Variants in EBF2 observed in about 807,000 individuals in gnomAD.
EBF2 encodes the protein transcription factor COE2.
EBF2 carries 21 observed loss-of-function variants against 72.8 expected under a neutral mutation model. The observed-to-expected ratio is 0.29, with a 90% CI of 0.20 to 0.42. The LOEUF (loss-of-function observed/expected upper bound fraction) is 0.42, where lower values mean the gene tolerates loss of function less well. EBF2 is among the 10% of genes least tolerant of loss of function. EBF2 has a pLI of 1.00. For synonymous variants in EBF2, 299 were observed against 274.2 expected (o/e 1.09, Z -0.89); for missense variants, 637 against 731.2 (o/e 0.87, Z 1.49).
At chr8:25,887,783 C>T in intron 9 of EBF2, 59 bp downstream of exon 9, 1 of 1,461,060 alleles carries the variant, frequency 6.8e-7, no homozygotes, top group Non-Finnish European at 9.1e-7. Flanking sequence ...GCTAGTTTCC[C>T]AGATCAAAAC....
At chr8:25,897,889 T>C (rs1385272193) in intron 7 of EBF2, among the ~76,000 whole-genome samples, 1 of 152,208 alleles carries the variant, frequency 6.6e-6, no homozygotes, top group African/African-American at 2.4e-5. Context: ...GCAATGGGAT[T>C]GCTGGGTCAA....
intron 6 of EBF2, among the ~76,000 whole-genome samples, chr8:25,933,793 T>C (rs1803525879): frequency 6.6e-6 from 1 of 152,012 alleles, no homozygotes; most frequent in African/African-American, 2.4e-5. Flanking sequence ...TATAAAAAAA[T>C]ACGAAACAGT....
chr8:26,002,508 C>A (rs975596780), intron 6 of EBF2, among the ~76,000 whole-genome samples: 2 of 152,134 alleles, frequency 1.3e-5, no homozygotes, highest in Admixed American at 1.3e-4. Flanking sequence ...GGCAAGGGCC[C>A]GGGGCTGAGC....
At chr8:25,915,684 G>A (rs989089781) in intron 6 of EBF2, among the ~76,000 whole-genome samples, 10 of 151,742 alleles carry the variant, frequency 6.6e-5, no homozygotes, top group African/African-American at 2.2e-4. Flanking sequence ...ACGATGGGAG[G>A]GAAAAAGCTG....
chr8:26,034,299 T>C (rs1485742), intron 5 of EBF2, among the ~76,000 whole-genome samples: 147,403 of 152,292 alleles, frequency 0.97, 71,343 homozygotes, highest in East Asian at 1. Context: ...CAATAATTTT[T>C]ACCAAGTCTG....
intron 6 of EBF2, among the ~76,000 whole-genome samples, chr8:25,956,197 T>A (rs1803943469): frequency 6.6e-6 from 1 of 152,062 alleles, no homozygotes; most frequent in Non-Finnish European, 1.5e-5. Flanking sequence ...GGCGGGCAGA[T>A]CACCTGAGGT....
chr8:25,995,554 C>T (rs1804611470), intron 6 of EBF2, among the ~76,000 whole-genome samples: 1 of 152,078 alleles, frequency 6.6e-6, no homozygotes, highest in African/African-American at 2.4e-5. Flanking sequence ...TAAAAGAACA[C>T]TCAGATGTTC....
intron 7 of EBF2, among the ~76,000 whole-genome samples, chr8:25,902,405 G>A (rs1047718270): frequency 6.6e-6 from 1 of 152,076 alleles, no homozygotes; most frequent in Non-Finnish European, 1.5e-5. Flanking sequence ...CCGCATGCAT[G>A]ACCCATGGAT....
intron 10 of EBF2, among the ~76,000 whole-genome samples, chr8:25,882,242 T>C (rs1802615698): frequency 6.6e-6 from 1 of 152,032 alleles, no homozygotes; most frequent in African/African-American, 2.4e-5. Context: ...CCCCTAGAGG[T>C]CTGAACAGTG....
At chr8:25,972,870 C>CTTTTT (rs35053241) in intron 6 of EBF2, among the ~76,000 whole-genome samples, 1 of 124,742 alleles carries the variant, frequency 8.0e-6, no homozygotes, top group Non-Finnish European at 1.7e-5. Context: ...TGCAGTTTGG[C>CTTTTT]TTTTTTTTTT....
chr8:26,007,037 CAAAGGA>C (rs1404030114), intron 6 of EBF2, among the ~76,000 whole-genome samples: 2 of 152,188 alleles, frequency 1.3e-5, no homozygotes, highest in African/African-American at 4.8e-5. Flanking sequence ...GCCACAGAAG[CAAAGGA>C]ATTGATGGAG....
At chr8:25,975,562 T>A (rs1413646914) in intron 6 of EBF2, among the ~76,000 whole-genome samples, 3 of 152,220 alleles carry the variant, frequency 2.0e-5, no homozygotes, top group Non-Finnish European at 4.4e-5. Context: ...CTTTATTAAA[T>A]GAAATATTTG....
At position 26,015,358 on chromosome 8, in the gene EBF2, T is replaced by A. The variant is rs913685042; in HGVS notation, c.551+17727A>T. Among the ~76,000 whole-genome samples the A allele has an allele frequency of 5.3e-5, 8 of 152,186 alleles. 1 individual carries two copies. Among genetic ancestry groups the A allele is most frequent in the Admixed American group, 2.0e-4 (3 of 15,276 alleles). On this transcript the variant is annotated intron_variant, in intron 6 of 15. Coordinates refer to ENST00000520164, the MANE Select transcript of EBF2 (RefSeq NM_022659.4). The stretch of plus-strand genomic sequence containing the variant: ...AGAATCAAGAATGCATAAATCCTCC[T>A]CTTCCCTGCCACAAGGGCATGCCCT...
At chr8:25,944,388 G>A (rs894947572) in intron 6 of EBF2, among the ~76,000 whole-genome samples, 12 of 152,050 alleles carry the variant, frequency 7.9e-5, no homozygotes, top group African/African-American at 2.7e-4. Flanking sequence ...TCCCTTGGGG[G>A]CCTCAGTCTT....
chr8:25,967,981 A>G (rs1804139700), intron 6 of EBF2, among the ~76,000 whole-genome samples: 1 of 152,236 alleles, frequency 6.6e-6, no homozygotes. Context: ...TATGTACTCA[A>G]GAGTTTGTAG....
chr8:25,944,667 A>T (rs949459275), intron 6 of EBF2, among the ~76,000 whole-genome samples: 4 of 147,990 alleles, frequency 2.7e-5, no homozygotes, highest in African/African-American at 9.8e-5. Context: ...ATATAATTAC[A>T]TATTGTATAT....
chr8:26,044,959 T>C lies in EBF2; in HGVS notation c.-100A>G. On this transcript the variant is annotated 5_prime_UTR_variant, in exon 1 of 16. Coordinates refer to ENST00000520164, the MANE Select transcript of EBF2 (RefSeq NM_022659.4). The surrounding 1 kb of genome is among the most constrained non-coding windows in gnomAD (Gnocchi z 4.1). ...CAGCAAATCGTCTCCTCCAAAGCAA[T>C]CCAAGAAAAGGGATCAAGTGCCCAA... 7.6e-7 allele frequency: 1 copy of C among 1,318,862 alleles called. No individual in the cohort carries two copies. The highest frequency in any genetic ancestry group is 1.7e-5 in the South Asian group (1 of 58,638). The allele number at this position is 1,318,862 out of a possible 1,614,324, so 81.7% of individuals were successfully genotyped here.
chr8:25,936,374 C>T (rs1269496327), intron 6 of EBF2, among the ~76,000 whole-genome samples: 5 of 152,160 alleles, frequency 3.3e-5, no homozygotes, highest in Non-Finnish European at 7.3e-5. Context: ...AAAGCAGGCA[C>T]CACTTTTTAT....
At chr8:25,931,113 C>G (rs1803472848) in intron 6 of EBF2, among the ~76,000 whole-genome samples, 1 of 152,100 alleles carries the variant, frequency 6.6e-6, no homozygotes, top group South Asian at 2.1e-4. Context: ...GCCATAGAAA[C>G]TTGGATGTTT....
Sources: allele counts gnomAD v4.1 joint callset (sites outside exome capture counted in the v4.1 genomes callset), GRCh38; gene constraint gnomAD v4.1.1; non-coding constraint Gnocchi (gnomAD v3.1); transcripts MANE v1.5; gene names NCBI Gene and HGNC (gene_info 2026-07-23, HGNC 2026-07-21).